LINGO2: variants seen among roughly 807,000 people sequenced by gnomAD.
The protein encoded by LINGO2 is leucine-rich repeat and immunoglobulin-like domain-containing nogo receptor-interacting protein 2.
A neutral mutation model predicts 30.6 loss-of-function variants in LINGO2; 14 were observed. The ratio of observed to expected loss-of-function variants is 0.46; its 90% CI spans 0.30 to 0.72. The LOEUF (loss-of-function observed/expected upper bound fraction) is 0.72, where lower values mean the gene tolerates loss of function less well. Among genes scored for constraint, LINGO2 ranks in the 30% least tolerant of loss-of-function variants. The pLI is 0.07. For missense variants in LINGO2, 729 were observed against 751.7 expected (o/e 0.97, Z 0.35); for synonymous variants, 317 against 288.5 (o/e 1.10, Z -1.00).
chr9:28,436,853 G>C (rs964571007), intron 2 of LINGO2, among the ~76,000 whole-genome samples: 8 of 152,156 alleles, frequency 5.3e-5, no homozygotes, highest in African/African-American at 1.7e-4. Context: ...CCTTACCACC[G>C]CAAGGCCTGA....
the LINGO2 span, among the ~76,000 whole-genome samples, chr9:28,707,417 T>A: frequency 5.3e-5 from 8 of 152,258 alleles, no homozygotes; most frequent in African/African-American, 1.9e-4. Flanking sequence ...ATTTTCTCCA[T>A]CCATCCTCCT....
chr9:29,162,895 C>T, the LINGO2 span, among the ~76,000 whole-genome samples: 2 of 152,124 alleles, frequency 1.3e-5, no homozygotes, highest in East Asian at 1.9e-4. Context: ...TATTTCACTG[C>T]ACCTTGGGTT....
intron 3 of LINGO2, among the ~76,000 whole-genome samples, chr9:28,298,716 T>C (rs1824022199): frequency 6.6e-6 from 1 of 152,056 alleles, no homozygotes; most frequent in African/African-American, 2.4e-5. Context: ...TGAATGTATT[T>C]TCTTGTATGT....
intron 1 of LINGO2, among the ~76,000 whole-genome samples, chr9:28,587,911 A>G (rs1213919093): frequency 6.6e-6 from 1 of 151,932 alleles, no homozygotes; most frequent in Non-Finnish European, 1.5e-5. Flanking sequence ...CATTTTTGAA[A>G]ATGTTGAAAG....
chr9:29,138,224 A>G, the LINGO2 span, among the ~76,000 whole-genome samples: 1 of 152,122 alleles, frequency 6.6e-6, no homozygotes, highest in African/African-American at 2.4e-5. Context: ...TTAATGTACA[A>G]TTAACACAGT....
chr9:28,085,341 T>C (rs946171262), intron 4 of LINGO2, among the ~76,000 whole-genome samples: 1 of 152,104 alleles, frequency 6.6e-6, no homozygotes, highest in Admixed American at 6.6e-5. Flanking sequence ...ATTCCTGATG[T>C]CTTCAAAACC....
the LINGO2 span, among the ~76,000 whole-genome samples, chr9:29,063,318 A>G: frequency 6.6e-6 from 1 of 152,100 alleles, no homozygotes; most frequent in Non-Finnish European, 1.5e-5. Context: ...GTATGAATTC[A>G]TACATATCCA....
At chr9:28,448,354 A>C (rs1443739239) in intron 2 of LINGO2, among the ~76,000 whole-genome samples, 4 of 152,142 alleles carry the variant, frequency 2.6e-5, no homozygotes, top group African/African-American at 9.6e-5. Flanking sequence ...AACTGCTATA[A>C]GACAATTTTA....
intron 1 of LINGO2, among the ~76,000 whole-genome samples, chr9:28,637,494 C>G (rs555559029): frequency 1.3e-5 from 2 of 152,072 alleles, no homozygotes; most frequent in Non-Finnish European, 2.9e-5. Flanking sequence ...TCTTTTATTT[C>G]GTTGAGCAGT....
At chr9:29,070,959 T>A in the LINGO2 span, among the ~76,000 whole-genome samples, 1 of 151,052 alleles carries the variant, frequency 6.6e-6, no homozygotes, top group African/African-American at 2.4e-5. Flanking sequence ...CCTGAATTTA[T>A]CTACAATCTT....
chr9:29,156,837 C>G, the LINGO2 span, among the ~76,000 whole-genome samples: 1 of 152,070 alleles, frequency 6.6e-6, no homozygotes. Flanking sequence ...TATATTCACT[C>G]TTTCAGGAGG....
intron 1 of LINGO2, among the ~76,000 whole-genome samples, chr9:28,646,314 G>C (rs1161547921): frequency 6.6e-6 from 1 of 152,104 alleles, no homozygotes; most frequent in Non-Finnish European, 1.5e-5. Context: ...TGAAGCTAGA[G>C]AAATAGAGCT....
intron 4 of LINGO2, among the ~76,000 whole-genome samples, chr9:28,070,091 T>A (rs7042406): frequency 0.71 from 108,207 of 151,958 alleles, 39,401 homozygotes; most frequent in East Asian, 0.95. Flanking sequence ...TTTCGCCAGA[T>A]CACCTAAACC....
At chr9:27,949,813 T>A (rs771600231) in exon 6 of LINGO2, 1 of 1,613,976 alleles carries the variant, frequency 6.2e-7, no homozygotes. Flanking sequence ...GCTTCAATAG[T>A]GCTGATGGGA....
At chr9:28,843,317 T>C in the LINGO2 span, among the ~76,000 whole-genome samples, 1 of 151,672 alleles carries the variant, frequency 6.6e-6, no homozygotes. Flanking sequence ...TTAAAAGTGT[T>C]TTATTTCCTA....
At chr9:28,073,828 G>C (rs898751160) in intron 4 of LINGO2, among the ~76,000 whole-genome samples, 1 of 152,136 alleles carries the variant, frequency 6.6e-6, no homozygotes, top group African/African-American at 2.4e-5. Flanking sequence ...AGGTGTTCAA[G>C]ACAAGCCTGG....
At chr9:28,766,667 T>C in the LINGO2 span, among the ~76,000 whole-genome samples, 1 of 151,890 alleles carries the variant, frequency 6.6e-6, no homozygotes. Flanking sequence ...AGATATAAAA[T>C]TACCTACATG....
chr9:28,775,052 G>C, the LINGO2 span, among the ~76,000 whole-genome samples: 850 of 152,162 alleles, frequency 5.6e-3, 9 homozygotes, highest in African/African-American at 0.019. Context: ...GGGGAGGGGA[G>C]TGACCAATAA....
chr9:28,835,249 A>T, the LINGO2 span, among the ~76,000 whole-genome samples: 2 of 152,218 alleles, frequency 1.3e-5, no homozygotes, highest in Non-Finnish European at 2.9e-5. Context: ...CCAAAGCAAG[A>T]GGAATTTACA....
Sources: allele counts gnomAD v4.1 joint callset (sites outside exome capture counted in the v4.1 genomes callset), GRCh38; gene constraint gnomAD v4.1.1; transcripts MANE v1.5; gene names NCBI Gene and HGNC (gene_info 2026-07-23, HGNC 2026-07-21).